The following SNX30 variants were observed in gnomAD, a reference collection of about 807,000 sequenced individuals.
SNX30 encodes sorting nexin-30.
Under a neutral mutation model 46.4 loss-of-function variants are expected in SNX30, and 24 were observed. The ratio of observed to expected loss-of-function variants is 0.52; its 90% CI spans 0.37 to 0.73. The LOEUF (loss-of-function observed/expected upper bound fraction) is 0.73. SNX30 is among the 30% of genes least tolerant of loss of function. The pLI, the probability that SNX30 is intolerant of heterozygous loss-of-function variation, is 0.00. For synonymous variants in SNX30, 189 were observed against 211.5 expected, an observed-to-expected ratio of 0.89 and a Z score of 0.92; for missense variants, 533 against 555.7, an observed-to-expected ratio of 0.96 and a Z score of 0.41.
At chr9:112,784,470 C>A (rs1158115454) in intron 1 of SNX30, among the ~76,000 whole-genome samples, 1 of 152,164 alleles carries the variant, frequency 6.6e-6, no homozygotes, top group South Asian at 2.1e-4. Flanking sequence ...CTGCTGCTTC[C>A]CCTAGAGCAG....
intron 5 of SNX30, among the ~76,000 whole-genome samples, chr9:112,836,692 T>G (rs150677864): frequency 4.6e-5 from 7 of 152,358 alleles, no homozygotes; most frequent in African/African-American, 1.7e-4. Flanking sequence ...TAACTTTAGC[T>G]TTAAAAGTGG....
intron 8 of SNX30, among the ~76,000 whole-genome samples, chr9:112,866,230 C>A (rs914732845): frequency 4.0e-5 from 6 of 151,736 alleles, no homozygotes; most frequent in Non-Finnish European, 5.9e-5. Context: ...AGGAAAAGAA[C>A]GGGAAACTGG....
At chr9:112,832,095 C>G (rs1840667881) in intron 4 of SNX30, among the ~76,000 whole-genome samples, 1 of 152,100 alleles carries the variant, frequency 6.6e-6, no homozygotes, top group Admixed American at 6.6e-5. Context: ...TGACAGAGTC[C>G]TTTAGTTTTT....
intron 8 of SNX30, chr9:112,866,348 CAG>C: frequency 2.3e-6 from 1 of 428,374 alleles, no homozygotes; most frequent in Non-Finnish European, 4.8e-6. Context: ...GTCTCAGAGA[CAG>C]AGGCTTGGAA....
intron 7 of SNX30, among the ~76,000 whole-genome samples, chr9:112,859,660 A>G (rs545719190): frequency 9.3e-4 from 141 of 151,612 alleles, no homozygotes; most frequent in African/African-American, 3.3e-3. Flanking sequence ...CGCCCAGGCT[A>G]GAGTGCAGTG....
chr9:112,821,677 A>G (rs1840498241), intron 3 of SNX30, among the ~76,000 whole-genome samples: 1 of 151,612 alleles, frequency 6.6e-6, no homozygotes, highest in African/African-American at 2.4e-5. Context: ...TAGTAGAAAC[A>G]GGGTTTCACC....
intron 6 of SNX30, among the ~76,000 whole-genome samples, chr9:112,848,843 G>A (rs1361740291): frequency 1.3e-5 from 2 of 152,204 alleles, no homozygotes; most frequent in Non-Finnish European, 2.9e-5. Context: ...CTTTTGCACT[G>A]TTGTAGCTGA....
intron 8 of SNX30, among the ~76,000 whole-genome samples, chr9:112,866,021 G>A (rs987612404): frequency 6.6e-6 from 1 of 152,110 alleles, no homozygotes; most frequent in Non-Finnish European, 1.5e-5. Context: ...TTAAGTACGT[G>A]TTTATCTGTC....
chr9:112,834,843 AAC>A (rs79118828), intron 4 of SNX30, among the ~76,000 whole-genome samples: 1,401 of 78,386 alleles, frequency 0.018, 17 homozygotes, highest in East Asian at 0.073. Context: ...CACACACACA[AAC>A]ACACACACAC....
intron 1 of SNX30, among the ~76,000 whole-genome samples, chr9:112,753,309 C>G (rs746755237): frequency 1.4e-4 from 21 of 152,118 alleles, no homozygotes; most frequent in Middle Eastern, 3.2e-3. Context: ...AGTCTCAAGT[C>G]TAATTACCGA....
rs372167535 is a variant in SNX30 at position 112,839,099 on chromosome 9, A to G, written c.1014+402A>G. On this transcript the variant is annotated intron_variant, in intron 6 of 8. Coordinates refer to ENST00000374232, the MANE Select transcript of SNX30 (RefSeq NM_001012994.2). ...AAGACAAAACAAAAGTTGCTGGAAA[A>G]TAGAACAAAAATGCAAAAGTACTGA... is the stretch of plus-strand genomic sequence containing the variant. Among the ~76,000 whole-genome samples, 121 of 152,346 alleles carry G rather than the reference A, an allele frequency of 7.9e-4. 2 individuals carry two copies. In the South Asian group the frequency reaches 0.017, roughly 22 times the overall value.
At chr9:112,769,737 A>C (rs72768430) in intron 1 of SNX30, among the ~76,000 whole-genome samples, 4,904 of 150,006 alleles carry the variant, frequency 0.033, 110 homozygotes, top group Middle Eastern at 0.068. Flanking sequence ...ATCCAGCCTC[A>C]CACATCTACA....
At chr9:112,769,924 T>A (rs1839618587) in intron 1 of SNX30, among the ~76,000 whole-genome samples, 1 of 151,986 alleles carries the variant, frequency 6.6e-6, no homozygotes, top group South Asian at 2.1e-4. Flanking sequence ...TTTCATCCCA[T>A]ACCTAAGCCA....
At chr9:112,883,822 C>T (rs906995660), downstream of SNX30, among the ~76,000 whole-genome samples, 20 of 151,852 alleles carry the variant, frequency 1.3e-4, no homozygotes, top group Non-Finnish European at 2.8e-4. Flanking sequence ...CTCAGCCTCC[C>T]GAATAACTGG....
At chr9:112,773,042 A>G (rs1170047669) in intron 1 of SNX30, among the ~76,000 whole-genome samples, 2 of 152,168 alleles carry the variant, frequency 1.3e-5, no homozygotes, top group Non-Finnish European at 2.9e-5. Context: ...CATACTTACC[A>G]CCTCTTGTTC....
rs146024274 is a variant in SNX30, at chr9:112,869,383, G to A, written c.*540G>A. The A allele has an allele frequency of 1.0e-3, 162 of 159,476 alleles. 3 individuals are homozygous for A. In the East Asian group the frequency reaches 0.025, roughly 24 times the overall value. The allele number at this position is 159,476 out of a possible 1,614,324, so 9.9% of individuals were successfully genotyped here. ...CTTAACGTACAGTACCTGTAGCTGT[G>A]AGTGTGGCCTGCTGCCTGCTTGTGA... On this transcript the variant is annotated 3_prime_UTR_variant, in exon 9 of 9. Transcript: ENST00000374232.
Position 112,870,525 on chromosome 9 carries a change from A to C in SNX30, c.*1682A>C, listed in dbSNP as rs979697390. ...AATGATAATGTTTAAATCAATTGGT[A>C]CTTGCCTGTAGTGTTAAACCCTATT... On this transcript the variant is annotated 3_prime_UTR_variant, in exon 9 of 9. Coordinates refer to ENST00000374232, the MANE Select transcript of SNX30 (RefSeq NM_001012994.2). The C allele has an allele frequency of 6.6e-6, 1 of 152,226 alleles. No homozygotes were observed. Among genetic ancestry groups the C allele is most frequent in the African/African-American group, 2.4e-5 (1 of 41,446 alleles). The allele number at this position is 152,226 out of a possible 1,614,324, so 9.4% of individuals were successfully genotyped here.
chr9:112,782,076 G>GT (rs1301551456), intron 1 of SNX30, among the ~76,000 whole-genome samples: 5 of 151,730 alleles, frequency 3.3e-5, no homozygotes, highest in South Asian at 2.1e-4. Context: ...ATTTTTTATT[G>GT]TTTTTTTGAG....
At chr9:112,866,490 T>G (rs190974782) in intron 8 of SNX30, 41 of 470,752 alleles carry the variant, frequency 8.7e-5, no homozygotes, top group African/African-American at 7.8e-4. Context: ...CAAAGTCCAT[T>G]GCAGATCTGA....
Sources: allele counts gnomAD v4.1 joint callset (sites outside exome capture counted in the v4.1 genomes callset), GRCh38; gene constraint gnomAD v4.1.1; transcripts MANE v1.5; gene names NCBI Gene and HGNC (gene_info 2026-07-23, HGNC 2026-07-21).